Variants in C11orf65 observed in about 807,000 individuals in gnomAD.
C11orf65 encodes chromosome 11 open reading frame 65.
In C11orf65, 38 loss-of-function variants were observed where a neutral mutation model predicts 35.3. The observed-to-expected ratio is 1.08, with a 90% CI of 0.83 to 1.41. The LOEUF (loss-of-function observed/expected upper bound fraction) is 1.41, where lower values mean the gene tolerates loss of function less well. Among genes scored for constraint, C11orf65 ranks in the 40% most tolerant of loss-of-function variants. The pLI, the probability that C11orf65 is intolerant of heterozygous loss-of-function variation, is 0.00. For synonymous variants in C11orf65, 105 were observed against 114.4 expected (o/e 0.92, Z 0.53); for missense variants, 370 against 367.1 (o/e 1.01, Z -0.06).
chr11:108,380,819 A>T (rs572853691), downstream of C11orf65, among the ~76,000 whole-genome samples: 1 of 152,180 alleles, frequency 6.6e-6, no homozygotes, highest in South Asian at 2.1e-4. Flanking sequence ...AGGGATTACT[A>T]CTTGGTCCAG....
exon 7 of C11orf65, chr11:108,308,653 C>T: frequency 4.1e-6 from 1 of 243,670 alleles, no homozygotes; most frequent in South Asian, 6.5e-5. Context: ...GAATCGATGT[C>T]TCATAAGTGT....
chr11:108,358,144 G>C (rs2090253043), intron 2 of C11orf65, among the ~76,000 whole-genome samples: 1 of 151,670 alleles, frequency 6.6e-6, no homozygotes, highest in Non-Finnish European at 1.5e-5. Flanking sequence ...ACTATGTGAA[G>C]AATGCAGAAG....
At chr11:108,443,915 G>A (rs966193662) in intron 2 of C11orf65, among the ~76,000 whole-genome samples, 4 of 151,862 alleles carry the variant, frequency 2.6e-5, no homozygotes, top group African/African-American at 7.3e-5. Flanking sequence ...AAGAACTAGA[G>A]AAGCAAGAGC....
intron 2 of C11orf65, chr11:108,353,612 A>C: frequency 3.2e-6 from 2 of 629,492 alleles, no homozygotes; most frequent in Non-Finnish European, 5.7e-6. Context: ...AAGATGAGGA[A>C]GGCAGCCAGA....
chr11:108,394,555 T>C (rs2092259156), intron 6 of C11orf65, among the ~76,000 whole-genome samples: 1 of 152,236 alleles, frequency 6.6e-6, no homozygotes, highest in East Asian at 1.9e-4. Context: ...CATTCACTGA[T>C]AATGAGCTGA....
intron 7 of C11orf65, among the ~76,000 whole-genome samples, chr11:108,388,719 C>T (rs998777987): frequency 1.3e-5 from 2 of 152,198 alleles, no homozygotes; most frequent in African/African-American, 4.8e-5. Flanking sequence ...GGAAGAGGAA[C>T]ATCTGAATAT....
intron 2 of C11orf65, among the ~76,000 whole-genome samples, chr11:108,448,144 A>G: frequency 6.6e-6 from 1 of 152,362 alleles, no homozygotes; most frequent in East Asian, 1.9e-4. Flanking sequence ...AATAATCAAT[A>G]GCTTACCAAC....
chr11:108,366,422 A>C (rs754488337), intron 2 of C11orf65: 39 of 219,458 alleles, frequency 1.8e-4, no homozygotes, highest in Non-Finnish European at 3.3e-4. Context: ...TTATGTCACT[A>C]ATTATTTTAA....
At chr11:108,451,878 C>G (rs565232596) in intron 2 of C11orf65, among the ~76,000 whole-genome samples, 1 of 152,266 alleles carries the variant, frequency 6.6e-6, no homozygotes, top group Non-Finnish European at 1.5e-5. Context: ...TGATCTTTGA[C>G]AAACCTGAGA....
At chr11:108,376,553 C>T (rs896079780) in intron 2 of C11orf65, among the ~76,000 whole-genome samples, 1 of 151,220 alleles carries the variant, frequency 6.6e-6, no homozygotes, top group African/African-American at 2.4e-5. Context: ...GACACCCTAA[C>T]ATCACAATTA....
rs1201081443 is a variant in C11orf65, at chr11:108,316,059, A to G, written c.641-6988T>C. Reference sequence around the variant, plus strand: ...CAATGTGGGGCAAAGCCCTAGTAACATATGACCTCGAAACAGCAATCCCCT... The same window carrying G: ...CAATGTGGGGCAAAGCCCTAGTAACGTATGACCTCGAAACAGCAATCCCCT... On this transcript the variant is annotated intron_variant, in intron 6 of 6. Transcript: ENST00000525729. The G allele has an allele frequency of 1.9e-6, 3 of 1,614,182 alleles. No individual in the cohort carries two copies. Among genetic ancestry groups the G allele is most frequent in the South Asian group, 2.2e-5 (2 of 91,082 alleles).
downstream of C11orf65, among the ~76,000 whole-genome samples, chr11:108,379,728 G>C (rs542107756): frequency 1.7e-3 from 262 of 152,060 alleles, 1 homozygote; most frequent in Middle Eastern, 6.8e-3. Context: ...TTCTACACAA[G>C]GACAAATAAC....
chr11:108,438,160 A>G (rs1322252324), intron 2 of C11orf65, among the ~76,000 whole-genome samples: 1 of 152,202 alleles, frequency 6.6e-6, no homozygotes, highest in Non-Finnish European at 1.5e-5. Context: ...AGAGGACAGT[A>G]TTTTCAACAA....
intron 2 of C11orf65, among the ~76,000 whole-genome samples, chr11:108,363,120 G>A (rs542281499): frequency 6.6e-6 from 1 of 152,226 alleles, no homozygotes; most frequent in Admixed American, 6.5e-5. Context: ...AATTTTCCCA[G>A]TGATCTTACC....
chr11:108,402,683 A>T (rs1015464064), intron 6 of C11orf65, among the ~76,000 whole-genome samples: 7 of 152,170 alleles, frequency 4.6e-5, no homozygotes, highest in Non-Finnish European at 1.0e-4. Flanking sequence ...TACAATAAAA[A>T]ATAAATCTAT....
chr11:108,383,233 A>G lies in C11orf65; in HGVS notation c.788-58T>C, dbSNP rs565224672. ...CCAGATATAATAAGATGCTCACTCA[A>G]AATGCTACTGTGTTGTGGTCTGTTC... On this transcript the variant is annotated intron_variant, in intron 8 of 8. Coordinates refer to ENST00000393084, the MANE Select transcript of C11orf65 (RefSeq NM_152587.5). The G allele has an allele frequency of 6.0e-5, 81 of 1,358,058 alleles. No homozygotes were observed. The Middle Eastern group carries it at 9.2e-4, about 15-fold the overall frequency. The allele number at this position is 1,358,058 out of a possible 1,614,324, so 84.1% of individuals were successfully genotyped here.
chr11:108,455,815 C>CAAAAAAAAA (rs112701513), intron 2 of C11orf65, among the ~76,000 whole-genome samples: 2 of 56,154 alleles, frequency 3.6e-5, no homozygotes, highest in African/African-American at 1.4e-4. Flanking sequence ...GACTCCACCT[C>CAAAAAAAAA]AAAAAAAAAA....
intron 2 of C11orf65, among the ~76,000 whole-genome samples, chr11:108,455,009 C>T (rs1408879938): frequency 6.6e-6 from 1 of 152,106 alleles, no homozygotes; most frequent in African/African-American, 2.4e-5. Context: ...GCATTTATTG[C>T]TATGAAATTC....
chr11:108,344,156 A>C (rs1050764296), intron 2 of C11orf65, among the ~76,000 whole-genome samples: 1 of 152,184 alleles, frequency 6.6e-6, no homozygotes, highest in Admixed American at 6.5e-5. Flanking sequence ...AAAATGTGTG[A>C]TAAGTGCTAT....
Sources: allele counts gnomAD v4.1 joint callset (sites outside exome capture counted in the v4.1 genomes callset), GRCh38; gene constraint gnomAD v4.1.1; transcripts MANE v1.5; gene names NCBI Gene and HGNC (gene_info 2026-07-23, HGNC 2026-07-21).